Variants in CCDC136 observed in about 807,000 individuals in gnomAD.
The protein encoded by CCDC136 is coiled-coil domain-containing protein 136.
Under a neutral mutation model 141.2 loss-of-function variants are expected in CCDC136, and 100 were observed. That is an observed-to-expected ratio of 0.71 (90% CI 0.60 to 0.84). The LOEUF is 0.84. CCDC136 is among the 40% of genes least tolerant of loss of function. The pLI is 0.00. For missense variants in CCDC136, 1,206 were observed against 1,379.4 expected (o/e 0.87, Z 1.99); for synonymous variants, 474 against 531.9 (o/e 0.89, Z 1.50).
At chr7:128,802,591 A>G (rs2128906041) in intron 4 of CCDC136, among the ~76,000 whole-genome samples, 1 of 152,334 alleles carries the variant, frequency 6.6e-6, no homozygotes, top group South Asian at 2.1e-4. Flanking sequence ...ATAAAACCTT[A>G]TAGCTAGATG....
chr7:128,796,739 A>ATATATATATATATATTTTTTT, intron 3 of CCDC136, among the ~76,000 whole-genome samples: 16 of 113,374 alleles, frequency 1.4e-4, no homozygotes, highest in African/African-American at 4.1e-4. Context: ...ATATATATAT[A>ATATATATATATATATTTTTTT]TTCTTTTTTT....
chr7:128,796,207 A>G (rs190858937), intron 3 of CCDC136, among the ~76,000 whole-genome samples: 184 of 152,256 alleles, frequency 1.2e-3, no homozygotes, highest in African/African-American at 4.3e-3. Context: ...AAGGGAGTTT[A>G]TTTTAGATAT....
In CCDC136 at chr7:128,821,722, C is replaced by A; in HGVS notation, c.*6-77C>A. 1 of 1,187,332 alleles carries A rather than the reference C, an allele frequency of 8.4e-7. No individual in the cohort carries two copies. The highest frequency in any genetic ancestry group is 1.1e-6 in the Non-Finnish European group (1 of 896,886). The allele number at this position is 1,187,332 out of a possible 1,614,324, so 73.5% of individuals were successfully genotyped here. ...CAATGTTCCTGAGGTGTCTTGGGCA[C>A]CCATAGGCAGGTGACTTCTGGCTTA... On this transcript the variant is annotated intron_variant, in intron 17 of 17. Coordinates refer to ENST00000297788, the MANE Select transcript of CCDC136 (RefSeq NM_022742.5). The surrounding 1 kb of genome is among the most constrained non-coding windows in gnomAD (Gnocchi z 5.1).
upstream of CCDC136, chr7:128,791,489 C>T: frequency 3.0e-6 from 4 of 1,322,272 alleles, no homozygotes; most frequent in South Asian, 4.3e-5. The surrounding 1 kb of genome is among the most constrained non-coding windows in gnomAD (Gnocchi z 7.1). Flanking sequence ...GCGGCGGGAG[C>T]GGTCATGGAG....
At position 128,811,871 on chromosome 7, in the gene CCDC136, G is replaced by A. The variant is rs1399980347; in HGVS notation, c.2100G>A (p.Glu700=). 1.9e-6 allele frequency: 3 copies of A among 1,612,852 alleles called. No homozygotes were observed. The highest frequency in any genetic ancestry group is 2.5e-6 in the Non-Finnish European group (3 of 1,179,472). Residue 700 remains glutamate, a synonymous_variant, in exon 13 of 18, where the codon GAG becomes GAA. Transcript: ENST00000297788. ...VMYDAGQAKQ[E]LLQQEQGRLL... The stretch of plus-strand genomic sequence containing the variant: ...ATGACGCCGGTCAGGCGAAGCAGGA[G>A]CTCTTGCAGCAAGAGCAAGGGAGGC...
At chr7:128,795,187 A>C (rs1353225668) in intron 3 of CCDC136, among the ~76,000 whole-genome samples, 1 of 152,142 alleles carries the variant, frequency 6.6e-6, no homozygotes, top group African/African-American at 2.4e-5. Context: ...GAAAGCATGA[A>C]GCCAATGAGA....
rs1236842533 is a variant in CCDC136 at position 128,796,737 on chromosome 7, A to ATTTT, written c.346+1970_346+1971insTTTT. ...GATGATTCAGAATATATATATATAT[A>ATTTT]TATTCTTTTTTTTTTTTTTTTTGAG... On this transcript the variant is annotated intron_variant, in intron 3 of 17. Transcript: ENST00000297788. Among the ~76,000 whole-genome samples, 81 of 119,110 alleles carry ATTTT rather than the reference A, an allele frequency of 6.8e-4. 2 individuals are homozygous for ATTTT. The highest frequency in any genetic ancestry group is 3.3e-3 in the African/African-American group (77 of 23,232). 78.1% of individuals were successfully genotyped at this position (119,110 alleles called of 152,430 possible). A position where few individuals can be genotyped will look rare whatever the true frequency, so the allele number is the denominator to read the frequency against.
At chr7:128,809,700 C>A in intron 11 of CCDC136, 56 bp downstream of exon 11, 1 of 1,278,546 alleles carries the variant, frequency 7.8e-7, no homozygotes, top group South Asian at 1.6e-5. Context: ...AGAAGCTTCC[C>A]TGTGTGACTA....
At chr7:128,791,419 G>A (rs1011905395), upstream of CCDC136, 2 of 1,102,792 alleles carry the variant, frequency 1.8e-6, no homozygotes, top group South Asian at 3.2e-5. The surrounding 1 kb of genome is among the most constrained non-coding windows in gnomAD (Gnocchi z 7.1). Context: ...CCCTCCCTGC[G>A]CACCCGGCTC....
Position 128,807,443 on chromosome 7 carries a change from G to A in CCDC136, c.1503G>A (p.Met501Ile). 1 of 1,573,100 alleles carries A rather than the reference G, an allele frequency of 6.4e-7. No homozygotes were observed. Among genetic ancestry groups the A allele is most frequent in the Non-Finnish European group, 8.6e-7 (1 of 1,160,166 alleles). The change falls in exon 10 of 18, where the codon ATG (methionine) becomes ATA (isoleucine). Residue 501 changes from methionine to isoleucine, a missense_variant. Met to Ile is a conservative substitution (Grantham distance 10). Transcript: ENST00000297788. ...ACGAGCTGGAGCGGCAGAAGCACAT[G>A]TATGACCAGCTGGAGCAGGACCTCC... The part of the protein sequence containing the change: ...SKDELERQKH[M>I]YDQLEQDLLL...
intron 17 of CCDC136, among the ~76,000 whole-genome samples, chr7:128,819,049 G>A (rs1407350530): frequency 6.6e-6 from 1 of 152,060 alleles, no homozygotes; most frequent in Non-Finnish European, 1.5e-5. Context: ...TTGACTTTAG[G>A]TATTCCCTTT....
At position 128,817,133 on chromosome 7, in the gene CCDC136, T is replaced by A. The variant is rs1466332700; in HGVS notation, c.3364-625T>A. 1.3e-5 allele frequency among the ~76,000 whole-genome samples: 2 copies of A among 152,196 alleles called. No homozygotes were observed. Among genetic ancestry groups the A allele is most frequent in the African/African-American group, 4.8e-5 (2 of 41,434 alleles). On this transcript the variant is annotated intron_variant, in intron 16 of 17. Coordinates refer to ENST00000297788, the MANE Select transcript of CCDC136 (RefSeq NM_022742.5). This position sits in a 1 kb window ranked among gnomAD's most constrained non-coding sequence, Gnocchi z 4.6. The stretch of plus-strand genomic sequence containing the variant: ...TTCTATGTTTCTATATATGGAGAGA[T>A]CCCTTTGCCCCGTGGGTCCTGCGTC...
chr7:128,818,548 T>A (rs956323690), intron 17 of CCDC136, among the ~76,000 whole-genome samples: 6 of 152,246 alleles, frequency 3.9e-5, no homozygotes, highest in Non-Finnish European at 8.8e-5. Flanking sequence ...TTATTAGTTA[T>A]CTATTTATCT....
At position 128,809,072 on chromosome 7, in the gene CCDC136, A is replaced by C. The variant is rs145263975; in HGVS notation, c.1606-378A>C. On this transcript the variant is annotated intron_variant, in intron 10 of 17. Coordinates refer to ENST00000297788, the MANE Select transcript of CCDC136 (RefSeq NM_022742.5). The stretch of plus-strand genomic sequence containing the variant: ...CATTAAAAAACAACTGGGGTTAATG[A>C]GAATAACAGGAGCTAAGAGTTCCCA... 1,423 of 653,382 alleles carry C rather than the reference A, an allele frequency of 2.2e-3. 16 individuals are homozygous for C. The African/African-American group carries it at 0.027, about 12-fold the overall frequency. The allele number at this position is 653,382 out of a possible 1,614,324, so 40.5% of individuals were successfully genotyped here. A position where few individuals can be genotyped will look rare whatever the true frequency, so the allele number is the denominator to read the frequency against.
chr7:128,791,478 G>T (rs1372271971), upstream of CCDC136: 1 of 1,320,550 alleles, frequency 7.6e-7, no homozygotes. This position sits in a 1 kb window ranked among gnomAD's most constrained non-coding sequence, Gnocchi z 7.1. Context: ...GGCGGAAGGC[G>T]GCGGCGGGAG....
Position 128,808,427 on chromosome 7 carries a change from G to T in CCDC136, c.1605+882G>T, listed in dbSNP as rs115063525. On this transcript the variant is annotated intron_variant, in intron 10 of 17. Transcript: ENST00000297788. ...CACTTCCTTTTAGCAGTAAATCCTG[G>T]TAGTGATAAATAAGGCCTTATTCAT... The T allele has an allele frequency of 1.8e-3, 1,665 of 933,644 alleles. 28 individuals are homozygous for T. In the African/African-American group the frequency reaches 0.028, roughly 16 times the overall value. The allele number at this position is 933,644 out of a possible 1,614,324, so 57.8% of individuals were successfully genotyped here.
chr7:128,791,520 G>T, upstream of CCDC136: 1 of 1,293,396 alleles, frequency 7.7e-7, no homozygotes, highest in South Asian at 2.6e-5. This position sits in a 1 kb window ranked among gnomAD's most constrained non-coding sequence, Gnocchi z 7.1. Context: ...GAGCCGGCGC[G>T]GGAGCCGCGG....
chr7:128,806,313 TGAA>T lies in CCDC136; in HGVS notation c.1169_1171del (p.Lys390del). On this transcript the variant is annotated inframe_deletion, in exon 8 of 18. Coordinates refer to ENST00000297788, the MANE Select transcript of CCDC136 (RefSeq NM_022742.5). ...AGCCAGGATGAGCAGAACGAGCTCT[TGAA>T]GATGCAGCTGCAACTTCAGACTGAG... 6.3e-7 allele frequency: 1 copy of T among 1,594,646 alleles called. No individual in the cohort carries two copies. Among genetic ancestry groups the T allele is most frequent in the Non-Finnish European group, 8.5e-7 (1 of 1,170,564 alleles).
At chr7:128,793,694 C>T (rs1436727094) in intron 1 of CCDC136, among the ~76,000 whole-genome samples, 1 of 152,190 alleles carries the variant, frequency 6.6e-6, no homozygotes, top group Non-Finnish European at 1.5e-5. Flanking sequence ...ACTGCAACCT[C>T]CAGTTCCCAG....
Sources: allele counts gnomAD v4.1 joint callset (sites outside exome capture counted in the v4.1 genomes callset), GRCh38; gene constraint gnomAD v4.1.1; non-coding constraint Gnocchi (gnomAD v3.1); transcripts MANE v1.5; gene names NCBI Gene and HGNC (gene_info 2026-07-23, HGNC 2026-07-21).